GRM7: variants seen among roughly 807,000 people sequenced by gnomAD.
The protein encoded by GRM7 is glutamate metabotropic receptor 7, also known as metabotropic glutamate receptor 7.
GRM7 carries 35 observed loss-of-function variants against 84.5 expected under a neutral mutation model. That is an observed-to-expected ratio of 0.41 (90% confidence interval 0.32 to 0.55). The LOEUF (loss-of-function observed/expected upper bound fraction) is 0.55, where lower values mean the gene tolerates loss of function less well. Among genes scored for constraint, GRM7 ranks in the 20% least tolerant of loss-of-function variants. The probability of loss-of-function intolerance (pLI) is 0.19; values close to 1 mark genes in which losing one functional copy is unlikely to be tolerated. For synonymous variants in GRM7, 487 were observed against 455.1 expected, an observed-to-expected ratio of 1.07 and a Z score of -0.89; for missense variants, 1,003 against 1,194.6, an observed-to-expected ratio of 0.84 and a Z score of 2.36.
At chr3:7,660,757 G>A (rs73810848) in intron 8 of GRM7, among the ~76,000 whole-genome samples, 2,917 of 151,074 alleles carry the variant, frequency 0.019, 92 homozygotes, top group African/African-American at 0.067. Flanking sequence ...TCTAGAAATC[G>A]GAACAACAGA....
chr3:7,724,271 T>C (rs565155975), intron 9 of GRM7, among the ~76,000 whole-genome samples: 60 of 152,244 alleles, frequency 3.9e-4, no homozygotes, highest in African/African-American at 1.4e-3. Context: ...TGCCCTCAAT[T>C]TCTTCCCTCA....
intron 1 of GRM7, among the ~76,000 whole-genome samples, chr3:7,023,382 G>A (rs954569908): frequency 5.9e-5 from 9 of 152,100 alleles, no homozygotes; most frequent in Admixed American, 5.2e-4. Flanking sequence ...GAATAGGTCA[G>A]AAAGGGACCT....
At chr3:6,867,402 C>T (rs1262702964) in intron 1 of GRM7, among the ~76,000 whole-genome samples, 2 of 152,152 alleles carry the variant, frequency 1.3e-5, no homozygotes, top group Admixed American at 6.6e-5. Flanking sequence ...TTCCCTATCT[C>T]GATGCAGTTG....
At chr3:7,426,241 T>C (rs1696606495) in intron 5 of GRM7, among the ~76,000 whole-genome samples, 1 of 152,106 alleles carries the variant, frequency 6.6e-6, no homozygotes, top group Non-Finnish European at 1.5e-5. Context: ...TGCCTCAGCC[T>C]CCCGAGTAGC....
intron 4 of GRM7, among the ~76,000 whole-genome samples, chr3:7,334,915 G>A (rs11921359): frequency 0.19 from 29,524 of 151,794 alleles, 3,024 homozygotes; most frequent in South Asian, 0.32. Context: ...TTTATCAAAC[G>A]ATTACTACTA....
At chr3:7,507,856 T>C (rs529431435) in intron 7 of GRM7, among the ~76,000 whole-genome samples, 1 of 152,314 alleles carries the variant, frequency 6.6e-6, no homozygotes, top group South Asian at 2.1e-4. Context: ...CTTAATGTGG[T>C]CTGAAAATAT....
chr3:7,650,549 G>A (rs1359960857), intron 8 of GRM7, among the ~76,000 whole-genome samples: 3 of 152,182 alleles, frequency 2.0e-5, no homozygotes, highest in Non-Finnish European at 2.9e-5. Flanking sequence ...CTTGCAGAAG[G>A]AATTCTGTTA....
At chr3:7,210,536 A>T (rs1466525856) in intron 2 of GRM7, among the ~76,000 whole-genome samples, 4 of 152,238 alleles carry the variant, frequency 2.6e-5, no homozygotes, top group Non-Finnish European at 5.9e-5. Context: ...TGAAGAAAAG[A>T]AATGCCAAAA....
At chr3:7,693,440 G>A (rs1700889581) in intron 9 of GRM7, among the ~76,000 whole-genome samples, 2 of 152,046 alleles carry the variant, frequency 1.3e-5, no homozygotes, top group South Asian at 4.1e-4. Flanking sequence ...GGCCACCAGG[G>A]TCATTATCAG....
Position 7,111,365 on chromosome 3 carries a change from C to G in GRM7, c.520-35087C>G, listed in dbSNP as rs188275622. Among the ~76,000 whole-genome samples the G allele has an allele frequency of 2.5e-3, 376 of 152,168 alleles. 1 individual carries two copies. The Middle Eastern group carries it at 0.034, about 14-fold the overall frequency. On this transcript the variant is annotated intron_variant, in intron 1 of 9. Transcript: ENST00000357716. ...GTTCTTAATGGTATATTGCAGAGGT[C>G]CAGATAAGGATTTGTGAGGGCCTGG... is the stretch of plus-strand genomic sequence containing the variant.
At chr3:7,639,246 C>T (rs2125103287) in intron 8 of GRM7, among the ~76,000 whole-genome samples, 2 of 152,314 alleles carry the variant, frequency 1.3e-5, no homozygotes, top group African/African-American at 4.8e-5. Context: ...ACATTTCTGT[C>T]ACTCCCCTCT....
intron 1 of GRM7, among the ~76,000 whole-genome samples, chr3:6,987,598 G>A (rs376117535): frequency 1.3e-5 from 2 of 152,176 alleles, no homozygotes; most frequent in African/African-American, 4.8e-5. Context: ...CAGACAGGAA[G>A]GAAATATGCT....
At chr3:7,057,560 T>C (rs1443809745) in intron 1 of GRM7, among the ~76,000 whole-genome samples, 2 of 151,946 alleles carry the variant, frequency 1.3e-5, no homozygotes, top group Non-Finnish European at 2.9e-5. Context: ...TTCTTCAAAA[T>C]TGAATTGTGG....
rs12486527 is a variant in GRM7, at chr3:6,973,994, A to T, written c.519+112087A>T. 4.1e-4 allele frequency among the ~76,000 whole-genome samples: 63 copies of T among 152,346 alleles called. No individual in the cohort carries two copies. The South Asian group carries it at 7.2e-3, about 18-fold the overall frequency. On this transcript the variant is annotated intron_variant, in intron 1 of 9. Transcript: ENST00000357716. ...CAGAGAGACCAGTTACCCAGCTCCT[A>T]TAAAAAGCCAGGAGGGATATGATGG...
chr3:7,229,493 C>T (rs1697090323), intron 2 of GRM7, among the ~76,000 whole-genome samples: 1 of 151,464 alleles, frequency 6.6e-6, no homozygotes, highest in South Asian at 2.1e-4. Context: ...ATGAGTATTA[C>T]GTTAAATTAC....
chr3:6,964,396 C>T lies in GRM7; in HGVS notation c.519+102489C>T, dbSNP rs1429669593. 2.0e-5 allele frequency among the ~76,000 whole-genome samples: 3 copies of T among 152,018 alleles called. No homozygotes were observed. The South Asian group carries it at 6.2e-4, about 32-fold the overall frequency. On this transcript the variant is annotated intron_variant, in intron 1 of 9. Coordinates refer to ENST00000357716, the MANE Select transcript of GRM7 (RefSeq NM_000844.4). ...CTCTCTGGGGTCCCTTTTATGAGGG[C>T]ACTAATCCCATTCATGAGGATTACG...
At chr3:7,703,169 G>C (rs1362850097) in intron 9 of GRM7, among the ~76,000 whole-genome samples, 1 of 152,048 alleles carries the variant, frequency 6.6e-6, no homozygotes, top group Non-Finnish European at 1.5e-5. Flanking sequence ...CTGCAATGTA[G>C]CATTGCTCTA....
intron 6 of GRM7, 152 bp downstream of exon 6, chr3:7,452,959 C>A (rs1336793192): frequency 8.5e-6 from 5 of 589,094 alleles, no homozygotes; most frequent in Non-Finnish European, 1.5e-5. Context: ...CATGAATGAG[C>A]AAATGAATGT....
chr3:6,888,272 T>C (rs1695784384), intron 1 of GRM7, among the ~76,000 whole-genome samples: 1 of 152,190 alleles, frequency 6.6e-6, no homozygotes, highest in Admixed American at 6.5e-5. Flanking sequence ...TTTGTTGCCA[T>C]TGCTTTTGGT....
Sources: gnomAD v4.1 joint callset for allele counts (sites outside exome capture counted in the v4.1 genomes callset) on GRCh38, gnomAD v4.1.1 for gene constraint, MANE v1.5 for transcripts, NCBI Gene and HGNC (gene_info 2026-07-23, HGNC 2026-07-21) for gene names.